TRPM8: variants seen among roughly 807,000 people sequenced by gnomAD.
TRPM8 encodes the protein TRPM8 cationic channel.
Under a neutral mutation model 133.7 loss-of-function variants are expected in TRPM8, and 110 were observed. The observed-to-expected ratio is 0.82, with a 90% confidence interval of 0.70 to 0.96. TRPM8 has a LOEUF of 0.96. Among genes scored for constraint, TRPM8 ranks in the 40% least tolerant of loss-of-function variants. The probability of loss-of-function intolerance (pLI) is 0.00; values close to 1 mark genes in which losing one functional copy is unlikely to be tolerated. For missense variants in TRPM8, 1,291 were observed against 1,379.5 expected (o/e 0.94, Z 1.02); for synonymous variants, 535 against 532.3 (o/e 1.01, Z -0.07).
At chr2:233,924,824 G>A (rs536491450) in intron 1 of TRPM8, among the ~76,000 whole-genome samples, 42 of 152,312 alleles carry the variant, frequency 2.8e-4, no homozygotes, top group Non-Finnish European at 5.0e-4. Flanking sequence ...TTGCTGTAAG[G>A]GAATCATAGT....
chr2:233,973,766 A>C (rs1691794180), intron 17 of TRPM8, among the ~76,000 whole-genome samples: 2 of 152,124 alleles, frequency 1.3e-5, no homozygotes, highest in African/African-American at 4.8e-5. Flanking sequence ...CAGCGAGGGA[A>C]TGGGAATAGT....
chr2:233,959,611 G>A (rs1291146662), intron 11 of TRPM8, among the ~76,000 whole-genome samples: 1 of 151,888 alleles, frequency 6.6e-6, no homozygotes, highest in Non-Finnish European at 1.5e-5. Context: ...GTGCCTGGCA[G>A]CTTTTACTGT....
At chr2:233,985,620 C>T in intron 20 of TRPM8, 68 bp from the exon 21 acceptor site, 1 of 1,463,962 alleles carries the variant, frequency 6.8e-7, no homozygotes, top group Non-Finnish European at 9.4e-7. Flanking sequence ...TCTTGTGGCC[C>T]TGGGAATGCC....
intron 24 of TRPM8, among the ~76,000 whole-genome samples, chr2:234,012,153 AGT>A (rs1491399918): frequency 6.4e-5 from 6 of 93,252 alleles, no homozygotes; most frequent in African/African-American, 1.0e-4. Flanking sequence ...GAGTTCTAAC[AGT>A]TTTTTTTTTT....
intron 20 of TRPM8, among the ~76,000 whole-genome samples, chr2:233,984,523 C>T (rs1480218364): frequency 6.6e-6 from 1 of 152,106 alleles, no homozygotes. Flanking sequence ...GATTTCATTC[C>T]CCTCTATTCA....
At chr2:233,970,895 T>C (rs1194452957) in intron 17 of TRPM8, among the ~76,000 whole-genome samples, 1 of 152,182 alleles carries the variant, frequency 6.6e-6, no homozygotes, top group Non-Finnish European at 1.5e-5. Flanking sequence ...GTGTGAATTA[T>C]TCATGGTGCT....
chr2:234,007,204 G>A (rs1035478951), intron 23 of TRPM8, among the ~76,000 whole-genome samples: 3 of 152,158 alleles, frequency 2.0e-5, no homozygotes, highest in Non-Finnish European at 4.4e-5. Context: ...GAGGTATTTG[G>A]AGCCTGCAGT....
At chr2:233,990,004 A>G (rs546718993) in intron 21 of TRPM8, among the ~76,000 whole-genome samples, 4 of 152,244 alleles carry the variant, frequency 2.6e-5, no homozygotes, top group Admixed American at 6.5e-5. Context: ...TAGGAGTAAT[A>G]TAAACATGCA....
intron 22 of TRPM8, among the ~76,000 whole-genome samples, chr2:233,998,537 A>G (rs1441441778): frequency 2.6e-5 from 4 of 151,724 alleles, no homozygotes; most frequent in African/African-American, 9.7e-5. Context: ...AGTTAGGGTG[A>G]GCAGATTGTA....
rs139760142 is a variant in TRPM8 at position 233,985,741 on chromosome 2, C to A, written c.2815C>A (p.Leu939Met). The A allele has an allele frequency of 6.4e-5, 103 of 1,614,246 alleles. No homozygotes were observed. Among genetic ancestry groups the A allele is most frequent in the Non-Finnish European group, 8.1e-5 (96 of 1,180,060 alleles). Residue 939 changes from leucine to methionine, a missense_variant, in exon 21 of 26, where the codon CTG becomes ATG. Physicochemically the swap from Leu to Met is conservative, Grantham distance 15 (BLOSUM62 2). Around this residue, in one of 2 missense-constraint regions of TRPM8, gnomAD observed 328 missense variants for 410.6 expected, o/e 0.80. Coordinates refer to ENST00000324695, the MANE Select transcript of TRPM8 (RefSeq NM_024080.5). ...CTTCACTGGGAATGAGTCCAAGCCACTGTGTGTGGAGCTGGATGAGCACAA... is the reference window on the plus strand; with the variant it reads ...CTTCACTGGGAATGAGTCCAAGCCAATGTGTGTGGAGCTGGATGAGCACAA... ...CTFTGNESKPLCVELDEHNLP... is the reference protein window; with the variant it reads ...CTFTGNESKPMCVELDEHNLP...
chr2:233,976,276 A>G lies in TRPM8; in HGVS notation c.2356-3912A>G, dbSNP rs570610646. 3.5e-4 allele frequency among the ~76,000 whole-genome samples: 54 copies of G among 152,304 alleles called. No individual in the cohort carries two copies. The Middle Eastern group carries it at 0.01, about 29-fold the overall frequency. On this transcript the variant is annotated intron_variant, in intron 17 of 25. Coordinates refer to ENST00000324695, the MANE Select transcript of TRPM8 (RefSeq NM_024080.5). Reference sequence around the variant, plus strand: ...GAGGTTGGCCCAGAGGACTTGCAACAGTAAAATCCGAAGTCTGTAAATCAC... The same window carrying G: ...GAGGTTGGCCCAGAGGACTTGCAACGGTAAAATCCGAAGTCTGTAAATCAC...
chr2:233,942,902 G>C (rs954959837), intron 6 of TRPM8, 154 bp downstream of exon 6: 22 of 776,442 alleles, frequency 2.8e-5, no homozygotes, highest in Admixed American at 6.7e-5. Flanking sequence ...TAAAGGAATT[G>C]AAAACAAGGA....
rs992049616 is a variant in TRPM8 at position 233,923,159 on chromosome 2, G to A, written c.-5-3374G>A. 4.6e-5 allele frequency among the ~76,000 whole-genome samples: 7 copies of A among 152,248 alleles called. No homozygotes were observed. In the South Asian group the frequency reaches 8.3e-4, roughly 18 times the overall value. ...GCTGAGATTACAGGTGTGAGCCACC[G>A]TGCCCGGCCATTTTTATGTTTATTC... On this transcript the variant is annotated intron_variant, in intron 1 of 25. Coordinates refer to ENST00000324695, the MANE Select transcript of TRPM8 (RefSeq NM_024080.5).
chr2:233,985,971 T>C lies in TRPM8; in HGVS notation c.2939+106T>C, dbSNP rs1692140320. On this transcript the variant is annotated intron_variant, in intron 21 of 25. Transcript: ENST00000324695. ...AAGGTCCCACCCTTGAGGAACATAC[T>C]TTAGAGATCTTTTGGGGGATTGGTG... 3 of 1,064,108 alleles carry C rather than the reference T, an allele frequency of 2.8e-6. No homozygotes were observed. The Admixed American group carries it at 7.1e-5, about 25-fold the overall frequency. 65.9% of individuals were successfully genotyped at this position (1,064,108 alleles called of 1,614,324 possible).
In TRPM8 at chr2:234,017,546, A is replaced by G. The variant is rs1692986583; in HGVS notation, c.*290A>G. The G allele has an allele frequency of 3.0e-6, 1 of 333,710 alleles. No homozygotes were observed. Among genetic ancestry groups the G allele is most frequent in the Non-Finnish European group, 5.9e-6 (1 of 169,952 alleles). 20.7% of individuals were successfully genotyped at this position (333,710 alleles called of 1,614,324 possible). On this transcript the variant is annotated 3_prime_UTR_variant, in exon 26 of 26. Coordinates refer to ENST00000324695, the MANE Select transcript of TRPM8 (RefSeq NM_024080.5). ...CCTGGGACTGGAGGTTGATAGTTTAAGTGTGTTCTTACCGCCTCCTTTTTC... is the reference window on the plus strand; with the variant it reads ...CCTGGGACTGGAGGTTGATAGTTTAGGTGTGTTCTTACCGCCTCCTTTTTC...
chr2:233,975,683 C>T (rs111387336), intron 17 of TRPM8, among the ~76,000 whole-genome samples: 2 of 152,232 alleles, frequency 1.3e-5, no homozygotes, highest in Admixed American at 6.5e-5. Flanking sequence ...GAGTTCGAGA[C>T]CAGCCTGGCC....
At chr2:233,928,004 G>A (rs1217253196) in intron 2 of TRPM8, among the ~76,000 whole-genome samples, 1 of 130,918 alleles carries the variant, frequency 7.6e-6, no homozygotes, top group Admixed American at 8.5e-5. Context: ...GAGTCTCGCT[G>A]TATCGCCCAG....
chr2:233,974,603 T>C (rs1691820110), intron 17 of TRPM8, among the ~76,000 whole-genome samples: 1 of 152,206 alleles, frequency 6.6e-6, no homozygotes, highest in African/African-American at 2.4e-5. Context: ...TGGCAGGCCT[T>C]TTCTGGCACA....
intron 5 of TRPM8, among the ~76,000 whole-genome samples, chr2:233,941,027 T>G (rs1690893146): frequency 6.6e-6 from 1 of 152,178 alleles, no homozygotes; most frequent in African/African-American, 2.4e-5. Context: ...CCCTCTGACC[T>G]CGAAAGGTCA....
Sources: allele counts gnomAD v4.1 joint callset (sites outside exome capture counted in the v4.1 genomes callset), GRCh38; gene constraint gnomAD v4.1.1; regional missense constraint gnomAD v4.1.1; transcripts MANE v1.5; gene names NCBI Gene and HGNC (gene_info 2026-07-23, HGNC 2026-07-21).